The following AZGP1 variants were observed in gnomAD, a reference collection of about 807,000 sequenced individuals.
AZGP1 encodes the protein alpha-2-glycoprotein 1, zinc-binding, also known as zinc-alpha-2-glycoprotein.
In AZGP1, 28 loss-of-function variants were observed where a neutral mutation model predicts 31.5. The ratio of observed to expected loss-of-function variants is 0.89; its 90% confidence interval spans 0.66 to 1.22. The LOEUF is 1.22. AZGP1 is among the 50% of genes most tolerant of loss of function. AZGP1 has a pLI of 0.00. For missense variants in AZGP1, 361 were observed against 371.8 expected (o/e 0.97, Z 0.24); for synonymous variants, 135 against 145.4 (o/e 0.93, Z 0.51).
chr7:99,970,727 C>G (rs1441215670), intron 2 of AZGP1, among the ~76,000 whole-genome samples: 1 of 152,152 alleles, frequency 6.6e-6, no homozygotes, highest in Non-Finnish European at 1.5e-5. Context: ...CCTCCCCCAC[C>G]CCACATCCTT....
intron 3 of AZGP1, 177 bp from the exon 4 acceptor site, chr7:99,967,463 T>C (rs754666719): frequency 3.1e-3 from 2,149 of 683,832 alleles, no homozygotes; most frequent in Non-Finnish European, 4.3e-3. Context: ...CTTTCCCTCT[T>C]GCCCAATCCC....
At chr7:99,971,613 G>A (rs1323921637) in intron 2 of AZGP1, 133 bp downstream of exon 2, 2 of 1,168,324 alleles carry the variant, frequency 1.7e-6, no homozygotes, top group South Asian at 1.5e-5. Flanking sequence ...GGACATGTCT[G>A]TGTTTCTGCT....
At chr7:99,975,303 C>G (rs1479832702) in intron 1 of AZGP1, among the ~76,000 whole-genome samples, 1 of 152,130 alleles carries the variant, frequency 6.6e-6, no homozygotes, top group African/African-American at 2.4e-5. Flanking sequence ...TTGTAAATGT[C>G]ATGAATTTTA....
Position 99,966,881 on chromosome 7 carries a change from C to G in AZGP1, c.*122G>C, listed in dbSNP as rs1004566279. On this transcript the variant is annotated 3_prime_UTR_variant, in exon 4 of 4. Transcript: ENST00000292401. ...TCCAAATCCACCTCCTGTCTGTCCC[C>G]CCACACTGCTCCTCAGGCCTTGTGG... The G allele has an allele frequency of 9.3e-6, 13 of 1,398,392 alleles. No homozygotes were observed. The highest frequency in any genetic ancestry group is 1.3e-5 in the Non-Finnish European group (13 of 1,028,890). 86.6% of individuals were successfully genotyped at this position (1,398,392 alleles called of 1,614,324 possible). A position where few individuals can be genotyped will look rare whatever the true frequency, so the allele number is the denominator to read the frequency against.
chr7:99,975,829 T>C (rs1789652279), intron 1 of AZGP1, 116 bp downstream of exon 1: 4 of 1,148,356 alleles, frequency 3.5e-6, no homozygotes, highest in Admixed American at 1.8e-5. Flanking sequence ...TGGGCACCCA[T>C]TCCTGCCGTA....
chr7:99,971,689 TG>T, intron 2 of AZGP1, 56 bp downstream of exon 2: 9 of 1,565,924 alleles, frequency 5.7e-6, no homozygotes, highest in African/African-American at 1.4e-5. Flanking sequence ...CCACTCACAC[TG>T]GGGGGGCTGC....
In AZGP1 at chr7:99,971,547, A is replaced by T. The variant is rs1789577332; in HGVS notation, c.337+199T>A. 3 of 624,798 alleles carry T rather than the reference A, an allele frequency of 4.8e-6. No individual in the cohort carries two copies. In the South Asian group the frequency reaches 6.2e-5, roughly 13 times the overall value. The allele number at this position is 624,798 out of a possible 1,614,324, so 38.7% of individuals were successfully genotyped here. Reference sequence around the variant, plus strand: ...GTGTGACCTGAGGCCTGGGATGAGGATGGGGCAATTGATGGGGAAGCGGGG... The same window carrying T: ...GTGTGACCTGAGGCCTGGGATGAGGTTGGGGCAATTGATGGGGAAGCGGGG... On this transcript the variant is annotated intron_variant, in intron 2 of 3. Coordinates refer to ENST00000292401, the MANE Select transcript of AZGP1 (RefSeq NM_001185.4).
intron 2 of AZGP1, among the ~76,000 whole-genome samples, chr7:99,969,899 C>T (rs1051214504): frequency 2.6e-5 from 4 of 152,252 alleles, no homozygotes; most frequent in African/African-American, 4.8e-5. Context: ...TTAGCCACAA[C>T]TCTCAGAAAT....
At position 99,966,757 on chromosome 7, in the gene AZGP1, T is replaced by C; in HGVS notation, c.*246A>G. On this transcript the variant is annotated 3_prime_UTR_variant, in exon 4 of 4. Coordinates refer to ENST00000292401, the MANE Select transcript of AZGP1 (RefSeq NM_001185.4). ...CTAGGCAAGGAGGGATGATTATTTA[T>C]TAGCTTCTACAGATTAGACAATGGG... 2 of 576,342 alleles carry C rather than the reference T, an allele frequency of 3.5e-6. No homozygotes were observed. The highest frequency in any genetic ancestry group is 6.1e-6 in the Non-Finnish European group (2 of 327,988). 35.7% of individuals were successfully genotyped at this position (576,342 alleles called of 1,614,324 possible).
At chr7:99,968,127 G>C in intron 3 of AZGP1, 28 bp downstream of exon 3, 2 of 1,612,944 alleles carry the variant, frequency 1.2e-6, no homozygotes, top group South Asian at 2.2e-5. Context: ...TCTGGGCTCA[G>C]TACTGGGGAG....
In AZGP1 at chr7:99,971,845, T is replaced by C. The variant is rs757761750; in HGVS notation, c.238A>G (p.Met80Val). 1 of 1,614,086 alleles carries C rather than the reference T, an allele frequency of 6.2e-7. No individual in the cohort carries two copies. The highest frequency in any genetic ancestry group is 8.5e-7 in the Non-Finnish European group (1 of 1,179,994). The change falls in exon 2 of 4, where the codon ATG (methionine) becomes GTG (valine). Residue 80 changes from methionine to valine, a missense_variant. Coordinates refer to ENST00000292401, the MANE Select transcript of AZGP1 (RefSeq NM_001185.4). ...TGGCTGTCCTGCTTCCAATCCTCCA[T>C]TCCTTCCACCTGTCTCCAGAGTCCC... ...PMGLWRQVEG[M>V]EDWKQDSQLQ...
chr7:99,970,028 C>T (rs758983626), intron 2 of AZGP1, among the ~76,000 whole-genome samples: 29 of 152,118 alleles, frequency 1.9e-4, no homozygotes, highest in Non-Finnish European at 3.4e-4. Context: ...TCTGGGCTCA[C>T]GTCCCAGGTC....
chr7:99,969,631 A>T (rs1254236833), intron 2 of AZGP1, among the ~76,000 whole-genome samples: 1 of 152,130 alleles, frequency 6.6e-6, no homozygotes, highest in Non-Finnish European at 1.5e-5. Flanking sequence ...CTTCTATAGC[A>T]TCTCTTCTAA....
rs774061648 is a variant in AZGP1 at position 99,971,663 on chromosome 7, T to G, written c.337+83A>C. 9.4e-6 allele frequency: 14 copies of G among 1,488,520 alleles called. No homozygotes were observed. The Admixed American group carries it at 2.3e-4, about 25-fold the overall frequency. The allele number at this position is 1,488,520 out of a possible 1,614,324, so 92.2% of individuals were successfully genotyped here. A position where few individuals can be genotyped will look rare whatever the true frequency, so the allele number is the denominator to read the frequency against. ...TCCCCTGGGATTGGGACTATTTCCATCCTGCTGATCCCTTGCCACTCACAC... is the reference window on the plus strand; with the variant it reads ...TCCCCTGGGATTGGGACTATTTCCAGCCTGCTGATCCCTTGCCACTCACAC... On this transcript the variant is annotated intron_variant, in intron 2 of 3. Transcript: ENST00000292401.
chr7:99,967,214 T>C lies in AZGP1; in HGVS notation c.686A>G (p.Asp229Gly), dbSNP rs767179061. The stretch of plus-strand genomic sequence containing the variant: ...CACATCAATTTTCCCTGGGTAGAAG[T>C]CGTAGGCCAGGCACTTCAGTTTCTT... ...EKKKLKCLAY[D>G]FYPGKIDVHW... The change falls in exon 4 of 4, where the codon GAC (aspartate) becomes GGC (glycine). Residue 229 changes from aspartate to glycine, a missense_variant. Physicochemically the swap from Asp to Gly is moderately conservative, Grantham distance 94. Transcript: ENST00000292401. The C allele has an allele frequency of 1.2e-6, 2 of 1,613,856 alleles. No individual in the cohort carries two copies. The highest frequency in any genetic ancestry group is 1.1e-5 in the South Asian group (1 of 91,042).
At chr7:99,970,870 C>G (rs889774460) in intron 2 of AZGP1, among the ~76,000 whole-genome samples, 1 of 152,202 alleles carries the variant, frequency 6.6e-6, no homozygotes, top group African/African-American at 2.4e-5. Context: ...AGCAGTTCAC[C>G]AGACCTGAGG....
At chr7:99,973,633 G>A (rs1209077316) in intron 1 of AZGP1, among the ~76,000 whole-genome samples, 1 of 152,112 alleles carries the variant, frequency 6.6e-6, no homozygotes. Flanking sequence ...AATTTAACTG[G>A]GGCCAGGTGT....
rs539560573 is a variant in AZGP1, at chr7:99,967,798, A to C, written c.613+357T>G. 1.3e-3 allele frequency: 707 copies of C among 532,808 alleles called. 13 individuals carry two copies. The South Asian group carries it at 0.018, about 14-fold the overall frequency. 33.0% of individuals were successfully genotyped at this position (532,808 alleles called of 1,614,324 possible). ...GGAGGCATCATTGTAGAGATAAAAAACGATGGGATTTGGAATCTGAAATCT... is the reference window on the plus strand; with the variant it reads ...GGAGGCATCATTGTAGAGATAAAAACCGATGGGATTTGGAATCTGAAATCT... On this transcript the variant is annotated intron_variant, in intron 3 of 3. Transcript: ENST00000292401.
At chr7:99,971,661 C>T (rs908840149) in intron 2 of AZGP1, 85 bp downstream of exon 2, 22 of 1,484,134 alleles carry the variant, frequency 1.5e-5, no homozygotes, top group Admixed American at 1.9e-5. Flanking sequence ...GGACTATTTC[C>T]ATCCTGCTGA....
Sources: gnomAD v4.1 joint callset for allele counts (sites outside exome capture counted in the v4.1 genomes callset) on GRCh38, gnomAD v4.1.1 for gene constraint, MANE v1.5 for transcripts, NCBI Gene and HGNC (gene_info 2026-07-23, HGNC 2026-07-21) for gene names.